The following STXBP5L variants were observed in gnomAD, a reference collection of about 807,000 sequenced individuals.
STXBP5L encodes syntaxin binding protein 5L.
In STXBP5L, 65 loss-of-function variants were observed where a neutral mutation model predicts 144.5. The observed-to-expected ratio is 0.45, with a 90% CI of 0.37 to 0.55. The LOEUF (loss-of-function observed/expected upper bound fraction) is 0.55. Ranked by LOEUF, STXBP5L falls within the 20% of genes least tolerant of loss-of-function variation. The pLI is 0.00. For missense variants in STXBP5L, 1,298 were observed against 1,405.5 expected (o/e 0.92, Z 1.22); for synonymous variants, 505 against 469.6 (o/e 1.08, Z -0.97).
intron 7 of STXBP5L, among the ~76,000 whole-genome samples, chr3:121,129,315 C>T (rs2044861505): frequency 6.6e-6 from 1 of 151,336 alleles, no homozygotes; most frequent in Non-Finnish European, 1.5e-5. Context: ...TAATCAGAAG[C>T]AATACAGCAT....
At chr3:121,115,358 A>G (rs2044186862) in intron 6 of STXBP5L, among the ~76,000 whole-genome samples, 1 of 152,226 alleles carries the variant, frequency 6.6e-6, no homozygotes, top group African/African-American at 2.4e-5. Flanking sequence ...CAAGCTTAGT[A>G]TAGCAACTTT....
intron 10 of STXBP5L, among the ~76,000 whole-genome samples, chr3:121,208,439 A>T (rs4676671): frequency 0.12 from 18,745 of 152,172 alleles, 1,423 homozygotes; most frequent in East Asian, 0.18. Flanking sequence ...ATATGTAACA[A>T]ACCTGGATGT....
At chr3:121,211,855 C>A (rs2048583628) in intron 10 of STXBP5L, among the ~76,000 whole-genome samples, 1 of 152,104 alleles carries the variant, frequency 6.6e-6, no homozygotes, top group South Asian at 2.1e-4. Context: ...GCTGGGATTA[C>A]AGGAGTGAGC....
In STXBP5L at chr3:121,366,791, A is replaced by G. The variant is rs920430865; in HGVS notation, c.2177-11925A>G. ...TCTGTTATTTTATGATTTCTCTTCT[A>G]TAGGCCTTATAGCTTTTTTGTACTC... On this transcript the variant is annotated intron_variant, in intron 20 of 26. Transcript: ENST00000471454. 5.3e-5 allele frequency among the ~76,000 whole-genome samples: 8 copies of G among 151,430 alleles called. No homozygotes were observed. In the South Asian group the frequency reaches 6.2e-4, roughly 12 times the overall value.
chr3:121,053,609 A>G (rs999825272), intron 5 of STXBP5L, among the ~76,000 whole-genome samples: 2 of 152,222 alleles, frequency 1.3e-5, no homozygotes, highest in African/African-American at 4.8e-5. Context: ...AAAGACTTAA[A>G]TGTTAGACCT....
At chr3:121,288,652 G>A (rs980288642) in intron 19 of STXBP5L, among the ~76,000 whole-genome samples, 1 of 152,072 alleles carries the variant, frequency 6.6e-6, no homozygotes, top group African/African-American at 2.4e-5. Flanking sequence ...TTAGAAAGGT[G>A]TCTATTTATG....
At chr3:121,377,154 T>C (rs2046207876) in intron 20 of STXBP5L, among the ~76,000 whole-genome samples, 1 of 152,184 alleles carries the variant, frequency 6.6e-6, no homozygotes, top group African/African-American at 2.4e-5. Flanking sequence ...TTTCTAAATA[T>C]ACAATCATGT....
chr3:121,142,213 A>G (rs1219900804), intron 7 of STXBP5L, among the ~76,000 whole-genome samples: 4 of 152,012 alleles, frequency 2.6e-5, no homozygotes, highest in Non-Finnish European at 5.9e-5. Flanking sequence ...GAAAATAATG[A>G]TTATAAATAT....
chr3:121,386,259 A>C (rs1030982425), intron 22 of STXBP5L, among the ~76,000 whole-genome samples: 1 of 152,068 alleles, frequency 6.6e-6, no homozygotes, highest in East Asian at 1.9e-4. Context: ...CTCTTATTCT[A>C]TTTCATATGT....
At chr3:121,035,006 G>T (rs970286991) in intron 3 of STXBP5L, among the ~76,000 whole-genome samples, 3 of 151,994 alleles carry the variant, frequency 2.0e-5, no homozygotes, top group Non-Finnish European at 4.4e-5. Context: ...TTGGCAATTT[G>T]TAGGTCTTTG....
chr3:121,418,997 C>T, intron 26 of STXBP5L, 59 bp from the exon 27 acceptor site: 1 of 1,561,950 alleles, frequency 6.4e-7, no homozygotes, highest in Non-Finnish European at 8.7e-7. Flanking sequence ...AATGGCCTTG[C>T]TTTGAATAGC....
At chr3:121,190,347 C>T (rs1577162998) in intron 9 of STXBP5L, among the ~76,000 whole-genome samples, 3 of 152,214 alleles carry the variant, frequency 2.0e-5, no homozygotes, top group South Asian at 2.1e-4. Flanking sequence ...GGACACAGCA[C>T]GTTTCAGAGA....
chr3:121,189,089 G>C (rs548153274), intron 9 of STXBP5L, among the ~76,000 whole-genome samples: 1 of 152,198 alleles, frequency 6.6e-6, no homozygotes, highest in Admixed American at 6.5e-5. Context: ...ATCTCCTTAA[G>C]CTGATAAGCT....
At chr3:121,145,069 T>G (rs1488617296) in intron 7 of STXBP5L, among the ~76,000 whole-genome samples, 1 of 151,924 alleles carries the variant, frequency 6.6e-6, no homozygotes, top group Non-Finnish European at 1.5e-5. Flanking sequence ...GATTGATGTA[T>G]AAACTTTAGA....
In STXBP5L at chr3:121,300,406, T is replaced by G. The variant is rs1202199912; in HGVS notation, c.2111-18069T>G. ...AAAGGTATTTTGTCTTTCCGTAAAC[T>G]CTGTGTTACTCTTTCAGAAGTAACA... On this transcript the variant is annotated intron_variant, in intron 19 of 26. Coordinates refer to ENST00000471454, the MANE Select transcript of STXBP5L (RefSeq NM_001308330.2). 2.0e-5 allele frequency among the ~76,000 whole-genome samples: 3 copies of G among 152,292 alleles called. No homozygotes were observed. In the East Asian group the frequency reaches 5.8e-4, roughly 29 times the overall value.
At chr3:121,213,764 T>C (rs2048671949) in intron 10 of STXBP5L, among the ~76,000 whole-genome samples, 1 of 152,168 alleles carries the variant, frequency 6.6e-6, no homozygotes, top group African/African-American at 2.4e-5. Flanking sequence ...TTTTCTATTG[T>C]TTGGAATAGT....
At chr3:121,206,034 C>A in intron 10 of STXBP5L, 33 bp downstream of exon 10, 2 of 1,309,170 alleles carry the variant, frequency 1.5e-6, no homozygotes, top group Non-Finnish European at 2.1e-6. Flanking sequence ...AAGAGGGATA[C>A]GAAGCAGAGA....
chr3:120,955,369 T>G (rs1937912423), intron 3 of STXBP5L, among the ~76,000 whole-genome samples: 1 of 152,060 alleles, frequency 6.6e-6, no homozygotes, highest in South Asian at 2.1e-4. Context: ...TTTATTGTGT[T>G]TCTATATTCG....
At chr3:121,337,336 G>C (rs1050318830) in intron 20 of STXBP5L, among the ~76,000 whole-genome samples, 1 of 150,658 alleles carries the variant, frequency 6.6e-6, no homozygotes, top group Non-Finnish European at 1.5e-5. Flanking sequence ...TTACAAACTC[G>C]AGGTAAAGGG....
Sources: gnomAD v4.1 joint callset for allele counts (sites outside exome capture counted in the v4.1 genomes callset) on GRCh38, gnomAD v4.1.1 for gene constraint, MANE v1.5 for transcripts, NCBI Gene and HGNC (gene_info 2026-07-23, HGNC 2026-07-21) for gene names.